The following PSD3 variants were observed in gnomAD, a reference collection of about 807,000 sequenced individuals.
PSD3 encodes pleckstrin and Sec7 domain containing 3, also known as PH and SEC7 domain-containing protein 3.
Under a neutral mutation model 105.5 loss-of-function variants are expected in PSD3, and 49 were observed. The ratio of observed to expected loss-of-function variants is 0.46; its 90% CI spans 0.37 to 0.59. The LOEUF (loss-of-function observed/expected upper bound fraction) is 0.59. Ranked by LOEUF, PSD3 falls within the 20% of genes least tolerant of loss-of-function variation. The probability of loss-of-function intolerance (pLI) is 0.00; values close to 1 mark genes in which losing one functional copy is unlikely to be tolerated. For synonymous variants in PSD3, 557 were observed against 457.8 expected (o/e 1.22, Z -2.77); for missense variants, 1,561 against 1,263.8 (o/e 1.24, Z -3.57).
chr8:18,832,042 C>G (rs1813722680), intron 4 of PSD3, among the ~76,000 whole-genome samples: 1 of 152,212 alleles, frequency 6.6e-6, no homozygotes, highest in Non-Finnish European at 1.5e-5. Context: ...ACCTTCCTTT[C>G]TGTTGCCAAC....
exon 1 of PSD3, chr8:19,084,647 G>T (rs1005459307): frequency 2.9e-6 from 1 of 342,478 alleles, no homozygotes; most frequent in Non-Finnish European, 5.8e-6. Context: ...CCCTGCTTAC[G>T]TCCGGATCCT....
At chr8:18,697,581 C>G (rs1801331331) in intron 9 of PSD3, among the ~76,000 whole-genome samples, 2 of 152,146 alleles carry the variant, frequency 1.3e-5, no homozygotes, top group Admixed American at 6.5e-5. Flanking sequence ...ATTATTGTTA[C>G]TTAAAGAAAC....
chr8:18,687,580 C>T (rs529514883), intron 9 of PSD3, among the ~76,000 whole-genome samples: 5 of 151,966 alleles, frequency 3.3e-5, no homozygotes, highest in South Asian at 2.1e-4. Context: ...GTTTCCTTCC[C>T]GTACCATTTT....
intron 1 of PSD3, among the ~76,000 whole-genome samples, chr8:19,052,529 G>C (rs542385776): frequency 1.3e-5 from 2 of 151,952 alleles, no homozygotes; most frequent in African/African-American, 2.4e-5. Context: ...GCAAAGCAAA[G>C]TGTCAAGAGC....
rs114643402 is a variant in PSD3 at position 18,607,103 on chromosome 8, G to C, written c.2411-6669C>G. 8.2e-3 allele frequency among the ~76,000 whole-genome samples: 1,241 copies of C among 152,206 alleles called. 16 individuals carry two copies. Among genetic ancestry groups the C allele is most frequent in the African/African-American group, 0.029 (1,190 of 41,528 alleles). On this transcript the variant is annotated intron_variant, in intron 11 of 15. Coordinates refer to ENST00000327040, the MANE Select transcript of PSD3 (RefSeq NM_015310.4). ...GGTCGGTCTGCTACTCCTGTGAGGTGGGCACTGAAGGCAGGAAGAGAGATG... is the reference window on the plus strand; with the variant it reads ...GGTCGGTCTGCTACTCCTGTGAGGTCGGCACTGAAGGCAGGAAGAGAGATG...
At chr8:18,853,576 T>C (rs1292013578) in intron 4 of PSD3, among the ~76,000 whole-genome samples, 1 of 152,176 alleles carries the variant, frequency 6.6e-6, no homozygotes, top group Non-Finnish European at 1.5e-5. Context: ...TTTCATTAGA[T>C]AACTGGTTAA....
intron 9 of PSD3, among the ~76,000 whole-genome samples, chr8:18,747,774 A>T (rs1197028364): frequency 6.6e-6 from 1 of 152,120 alleles, no homozygotes; most frequent in African/African-American, 2.4e-5. Context: ...GTATGCAGAG[A>T]GCAACTCCAA....
chr8:18,850,430 C>A (rs1042921566), intron 4 of PSD3, among the ~76,000 whole-genome samples: 1 of 152,140 alleles, frequency 6.6e-6, no homozygotes, highest in Non-Finnish European at 1.5e-5. Flanking sequence ...CAAAACAAAG[C>A]GATGTCAAGA....
intron 2 of PSD3, among the ~76,000 whole-genome samples, chr8:18,912,106 T>G (rs1484111062): frequency 6.6e-6 from 1 of 152,190 alleles, no homozygotes; most frequent in Non-Finnish European, 1.5e-5. Flanking sequence ...TGTTAACACA[T>G]CTTGTCTTCT....
chr8:18,937,920 G>C (rs1003185383), intron 1 of PSD3, among the ~76,000 whole-genome samples: 7 of 152,044 alleles, frequency 4.6e-5, no homozygotes, highest in South Asian at 4.1e-4. Context: ...AAGGCCATAC[G>C]CATGGCCTTA....
rs534065933 is a variant in PSD3 at position 18,659,254 on chromosome 8, G to A, written c.2173-3569C>T. ...AAATTAAACAATAGAACAAATTAATGCCATTGAATATTCATCAACTCAAAC... is the reference window on the plus strand; with the variant it reads ...AAATTAAACAATAGAACAAATTAATACCATTGAATATTCATCAACTCAAAC... On this transcript the variant is annotated intron_variant, in intron 9 of 15. Coordinates refer to ENST00000327040, the MANE Select transcript of PSD3 (RefSeq NM_015310.4). Among the ~76,000 whole-genome samples the A allele has an allele frequency of 3.9e-5, 6 of 152,258 alleles. No homozygotes were observed. In the East Asian group the frequency reaches 1.2e-3, roughly 29 times the overall value.
chr8:18,566,267 G>T (rs750632952), intron 14 of PSD3, among the ~76,000 whole-genome samples: 6 of 152,184 alleles, frequency 3.9e-5, no homozygotes, highest in Non-Finnish European at 8.8e-5. Context: ...GCTCACGCCT[G>T]TAATTCCAGC....
chr8:18,786,678 T>C (rs1809192290), intron 8 of PSD3: 2 of 152,214 alleles, frequency 1.3e-5, no homozygotes, highest in Non-Finnish European at 1.5e-5. Flanking sequence ...ATTAGTACAA[T>C]CATCCAATAG....
In PSD3 at chr8:18,582,816, C is replaced by CTTTTT. The variant is rs71217386; in HGVS notation, c.2482-7536_2482-7532dup. ...TTCTCCAACCTGCAGCCACACTGAT[C>CTTTTT]TTTTTTTTTTTTTTTTTTTTTTTTT... On this transcript the variant is annotated intron_variant, in intron 12 of 15. Coordinates refer to ENST00000327040, the MANE Select transcript of PSD3 (RefSeq NM_015310.4). 2.4e-3 allele frequency among the ~76,000 whole-genome samples: 299 copies of CTTTTT among 125,364 alleles called. 27 individuals carry two copies. Among genetic ancestry groups the CTTTTT allele is most frequent in the East Asian group, 0.014 (61 of 4,236 alleles). The allele number at this position is 125,364 out of a possible 152,430, so 82.2% of individuals were successfully genotyped here.
At chr8:19,041,860 T>A (rs996969246) in intron 1 of PSD3, among the ~76,000 whole-genome samples, 3 of 152,218 alleles carry the variant, frequency 2.0e-5, no homozygotes, top group Non-Finnish European at 4.4e-5. Context: ...ACTGTGCCTT[T>A]CCTATGTGGC....
chr8:18,925,975 T>C (rs1821335698), intron 2 of PSD3, among the ~76,000 whole-genome samples: 3 of 152,212 alleles, frequency 2.0e-5, no homozygotes, highest in Admixed American at 6.5e-5. Flanking sequence ...AAACACAGCA[T>C]GGCAGAGGAA....
chr8:18,980,087 A>G (rs184781917), intron 1 of PSD3, among the ~76,000 whole-genome samples: 3 of 152,340 alleles, frequency 2.0e-5, no homozygotes, highest in Admixed American at 1.3e-4. Context: ...AGAGTTTACA[A>G]TCTCATATGG....
chr8:18,588,387 T>C (rs1029313374), intron 12 of PSD3, among the ~76,000 whole-genome samples: 8 of 152,148 alleles, frequency 5.3e-5, no homozygotes, highest in Non-Finnish European at 1.0e-4. Flanking sequence ...CAGGAACATA[T>C]ATTAGTTCTG....
intron 9 of PSD3, among the ~76,000 whole-genome samples, chr8:18,748,243 A>T (rs946348451): frequency 1.3e-5 from 2 of 152,236 alleles, no homozygotes; most frequent in African/African-American, 4.8e-5. Flanking sequence ...GTTGGCAGAA[A>T]GTATTCTGTG....
Sources: gnomAD v4.1 joint callset for allele counts (sites outside exome capture counted in the v4.1 genomes callset) on GRCh38, gnomAD v4.1.1 for gene constraint, MANE v1.5 for transcripts, NCBI Gene and HGNC (gene_info 2026-07-23, HGNC 2026-07-21) for gene names.